ACOX3: variants seen among roughly 807,000 people sequenced by gnomAD.
The protein encoded by ACOX3 is acyl-CoA oxidase 3, pristanoyl.
In ACOX3, 73 loss-of-function variants were observed where a neutral mutation model predicts 81.5. That is an observed-to-expected ratio of 0.90 (90% confidence interval 0.74 to 1.09). The LOEUF is 1.09. Among genes scored for constraint, ACOX3 ranks in the 50% least tolerant of loss-of-function variants. The pLI is 0.00. For missense variants in ACOX3, 947 were observed against 928.0 expected (o/e 1.02, Z -0.27); for synonymous variants, 387 against 375.1 (o/e 1.03, Z -0.37).
Position 8,438,511 on chromosome 4 carries a change from C to T in ACOX3, c.-15+2137G>A, listed in dbSNP as rs75609489. Among the ~76,000 whole-genome samples the T allele has an allele frequency of 1.1e-3, 165 of 152,206 alleles. 2 individuals are homozygous for T. In the East Asian group the frequency reaches 0.028, roughly 26 times the overall value. On this transcript the variant is annotated intron_variant, in intron 1 of 17. Transcript: ENST00000356406. ...GGTATTTACCCTATAAGATTTTGTT[C>T]GGTCGGCCACCCCCAAATCACAGGT...
At position 8,375,084 on chromosome 4, in the gene ACOX3, G is replaced by C. The variant is rs765959306; in HGVS notation, c.1722C>G (p.His574Gln). The C allele has an allele frequency of 1.3e-6, 2 of 1,554,144 alleles. No homozygotes were observed. The highest frequency in any genetic ancestry group is 4.8e-5 in the East Asian group (2 of 41,700). Residue 574 changes from histidine to glutamine, a missense_variant, in exon 15 of 18, where the codon CAC becomes CAG. Coordinates refer to ENST00000356406, the MANE Select transcript of ACOX3 (RefSeq NM_003501.3). Reference protein sequence around the residue: ...ELTVVQRFHEHVHQPSVPPSL... With the variant: ...ELTVVQRFHEQVHQPSVPPSL... ...AGGGCGGCACGGAAGGCTGGTGCAC[G>C]TGCTCGTGGAACCTCTGGACCACCG...
At chr4:8,383,839 C>G (rs1168296764) in intron 13 of ACOX3, among the ~76,000 whole-genome samples, 2 of 152,204 alleles carry the variant, frequency 1.3e-5, no homozygotes, top group Admixed American at 6.5e-5. Flanking sequence ...CTCTCCCCAG[C>G]AGGGCAGATG....
Position 8,375,010 on chromosome 4 carries a change from G to A in ACOX3, c.1796C>T (p.Ser599Phe), listed in dbSNP as rs751951822. Reference sequence around the variant, plus strand: ...GAGCAGGGCCGCGTGGCGGCTCAGGGACCACAGGGCGTACAGAGCACTGAG... The same window carrying A: ...GAGCAGGGCCGCGTGGCGGCTCAGGAACCACAGGGCGTACAGAGCACTGAG... Reference protein sequence around the residue: ...GRLSALYALWSLSRHAALLYR... With the variant: ...GRLSALYALWFLSRHAALLYR... Residue 599 changes from serine to phenylalanine, a missense_variant, in exon 15 of 18, where the codon TCC (serine) becomes TTC (phenylalanine). Physicochemically the swap from Ser to Phe is radical, Grantham distance 155. Transcript: ENST00000356406. 7 of 1,542,280 alleles carry A rather than the reference G, an allele frequency of 4.5e-6. No individual in the cohort carries two copies. In the Admixed American group the frequency reaches 1.2e-4, roughly 27 times the overall value.
In ACOX3 at chr4:8,405,979, A is replaced by G. The variant is rs1200425724; in HGVS notation, c.752T>C (p.Leu251Pro). Residue 251 changes from leucine (L) to proline (P), a missense_variant, in exon 7 of 18, where the codon CTC becomes CCC. Transcript: ENST00000356406. The surrounding 1 kb of genome is among the most constrained non-coding windows in gnomAD (Gnocchi z 7.1). ...GVMVGDIGKK[L>P]GQNGLDNGFA... is the part of the protein sequence containing the mutation. ...CCCATTATCCAGACCGTTCTGCCCG[A>G]GTTTTTTTCCTATGTCGCCAACCAT... The G allele has an allele frequency of 1.9e-6, 3 of 1,614,156 alleles. No homozygotes were observed. The highest frequency in any genetic ancestry group is 1.6e-4 in the Middle Eastern group (1 of 6,062).
Position 8,416,727 on chromosome 4 carries a change from T to C in ACOX3, c.-14-192A>G. Among the ~76,000 whole-genome samples, 1 of 152,262 alleles carries C rather than the reference T, an allele frequency of 6.6e-6. No homozygotes were observed. The highest frequency in any genetic ancestry group is 1.9e-4 in the East Asian group (1 of 5,196). On this transcript the variant is annotated intron_variant, in intron 1 of 17. Transcript: ENST00000356406. This position sits in a 1 kb window ranked among gnomAD's most constrained non-coding sequence, Gnocchi z 4.2. ...AGAAGAAAAGGCGAGAAGAATTCCC[T>C]CGTCCACTCCTGAACACAGATGCCA...
chr4:8,379,972 G>A (rs1390992935), intron 14 of ACOX3, among the ~76,000 whole-genome samples: 2 of 151,920 alleles, frequency 1.3e-5, no homozygotes, highest in African/African-American at 4.8e-5. Context: ...ACGCAAGGAT[G>A]TGGCCTGCAG....
rs746063263 is a variant in ACOX3 at position 8,410,281 on chromosome 4, G to A, written c.618C>T (p.His206=). ...WVGNMGKTAT[H]AVVFAKLCVP... ...CACACAGCTTAGCAAACACCACCGC[G>A]TGAGTGGCTGTCTTGCCCATGTTGC... Residue 206 remains histidine, a synonymous_variant, in exon 6 of 18, where the codon CAC becomes CAT. Transcript: ENST00000356406. 31 of 1,614,144 alleles carry A rather than the reference G, an allele frequency of 1.9e-5. No homozygotes were observed. In the Admixed American group the frequency reaches 2.8e-4, roughly 15 times the overall value.
In ACOX3 at chr4:8,416,548, T is replaced by C. The variant is rs774268065; in HGVS notation, c.-14-13A>G. 8.3e-6 allele frequency: 13 copies of C among 1,566,796 alleles called. No homozygotes were observed. The highest frequency in any genetic ancestry group is 1.8e-5 in the Admixed American group (1 of 54,344). ...GCGTGATAAGAGCCTGCACAAAACA[T>C]GCAACCTGAATCCATGCTCTCCCAT... On this transcript the variant is annotated splice_polypyrimidine_tract_variant and intron_variant, in intron 1 of 17. Transcript: ENST00000356406. The surrounding 1 kb of genome is among the most constrained non-coding windows in gnomAD (Gnocchi z 4.2).
Position 8,407,491 on chromosome 4 carries a change from C to G in ACOX3, c.688-1448G>C, listed in dbSNP as rs1310347530. ...TAAAGGGAATGCCGCCCTAAAGATT[C>G]CTCAATTTCAGACCCCGGCCTCCAG... is the stretch of plus-strand genomic sequence containing the variant. On this transcript the variant is annotated intron_variant, in intron 6 of 17. Transcript: ENST00000356406. This position sits in a 1 kb window ranked among gnomAD's most constrained non-coding sequence, Gnocchi z 4.6. Among the ~76,000 whole-genome samples the G allele has an allele frequency of 6.6e-6, 1 of 152,192 alleles. No individual in the cohort carries two copies. The highest frequency in any genetic ancestry group is 1.5e-5 in the Non-Finnish European group (1 of 68,044).
At chr4:8,428,205 C>G (rs1723690036) in intron 1 of ACOX3, 1 of 152,474 alleles carries the variant, frequency 6.6e-6, no homozygotes. Context: ...GGCCCCCCCG[C>G]CCGCGAATCC....
chr4:8,432,988 G>A lies in ACOX3; in HGVS notation c.-15+7660C>T, dbSNP rs1486686918. Reference sequence around the variant, plus strand: ...GGGTCAGTAGCCAAAAGTAACTACGGTATTGGACAGTGCAGACATAGAACA... The same window carrying A: ...GGGTCAGTAGCCAAAAGTAACTACGATATTGGACAGTGCAGACATAGAACA... On this transcript the variant is annotated intron_variant, in intron 1 of 17. Coordinates refer to ENST00000356406, the MANE Select transcript of ACOX3 (RefSeq NM_003501.3). The surrounding 1 kb of genome is among the most constrained non-coding windows in gnomAD (Gnocchi z 6.2). Among the ~76,000 whole-genome samples the A allele has an allele frequency of 6.6e-6, 1 of 152,230 alleles. No homozygotes were observed. The highest frequency in any genetic ancestry group is 1.5e-5 in the Non-Finnish European group (1 of 68,042).
chr4:8,392,914 C>A (rs540068680), intron 10 of ACOX3: 1 of 153,060 alleles, frequency 6.5e-6, no homozygotes, highest in South Asian at 2.1e-4. Flanking sequence ...CCAGTCCATT[C>A]CCAGAAGGCT....
chr4:8,410,941 C>CGGGGTCCT (rs1721656185), intron 5 of ACOX3, among the ~76,000 whole-genome samples: 1 of 152,228 alleles, frequency 6.6e-6, no homozygotes, highest in Admixed American at 6.5e-5. Context: ...TCACAGCGTT[C>CGGGGTCCT]GGTGTTTGGC....
chr4:8,356,796 G>C, the ACOX3 span: 1 of 456,386 alleles, frequency 2.2e-6, no homozygotes, highest in African/African-American at 2.0e-5. Flanking sequence ...GGAAGAAAGT[G>C]AGCAGAATGG....
intron 5 of ACOX3, among the ~76,000 whole-genome samples, chr4:8,411,217 C>T (rs528704799): frequency 5.8e-4 from 88 of 152,310 alleles, no homozygotes; most frequent in African/African-American, 1.9e-3. Flanking sequence ...TGGGCCGCCT[C>T]GGGAGACACT....
chr4:8,371,199 C>CT (rs1019172946), intron 16 of ACOX3, among the ~76,000 whole-genome samples: 2 of 152,220 alleles, frequency 1.3e-5, no homozygotes, highest in African/African-American at 4.8e-5. Context: ...CACCATGCTG[C>CT]TTTTCACTCA....
chr4:8,410,703 G>GGGGCTGTCTGTGCCCTGTGGGCA (rs1337984782), intron 5 of ACOX3, among the ~76,000 whole-genome samples: 1 of 152,118 alleles, frequency 6.6e-6, no homozygotes, highest in Non-Finnish European at 1.5e-5. Flanking sequence ...CACTGTGGGC[G>GGGGCTGTCTGTGCCCTGTGGGCA]GGGCTGTCTG....
chr4:8,372,463 C>T (rs535358919), intron 16 of ACOX3, among the ~76,000 whole-genome samples: 4 of 152,286 alleles, frequency 2.6e-5, no homozygotes, highest in African/African-American at 7.2e-5. Context: ...CCCGTGCTTT[C>T]CTTGGTGCAC....
intron 11 of ACOX3, among the ~76,000 whole-genome samples, chr4:8,390,454 C>G (rs1052340619): frequency 4.6e-5 from 7 of 152,228 alleles, no homozygotes; most frequent in African/African-American, 1.7e-4. Flanking sequence ...CAGAGCCTCC[C>G]CTGGCATGGG....
Sources: gnomAD v4.1 joint callset for allele counts (sites outside exome capture counted in the v4.1 genomes callset) on GRCh38, gnomAD v4.1.1 for gene constraint, Gnocchi (gnomAD v3.1) non-coding constraint, MANE v1.5 for transcripts, NCBI Gene and HGNC (gene_info 2026-07-23, HGNC 2026-07-21) for gene names.